Variants in DAPK2 observed in about 807,000 individuals in gnomAD.
The protein encoded by DAPK2 is death-associated protein kinase 2.
A neutral mutation model predicts 44.1 loss-of-function variants in DAPK2; 35 were observed. That is an observed-to-expected ratio of 0.79 (90% confidence interval 0.61 to 1.05). The LOEUF is 1.05. Ranked by LOEUF, DAPK2 falls within the 50% of genes least tolerant of loss-of-function variation. The pLI, the probability that DAPK2 is intolerant of heterozygous loss-of-function variation, is 0.00. For synonymous variants in DAPK2, 174 were observed against 182.6 expected (o/e 0.95, Z 0.38); for missense variants, 453 against 483.2 (o/e 0.94, Z 0.59).
chr15:63,936,652 C>T (rs1047611083), intron 4 of DAPK2, among the ~76,000 whole-genome samples: 2 of 151,364 alleles, frequency 1.3e-5, no homozygotes, highest in Admixed American at 6.6e-5. Context: ...CCTGTGAGAC[C>T]AGAATTTCAT....
At chr15:63,983,380 G>A (rs1595850962) in intron 2 of DAPK2, among the ~76,000 whole-genome samples, 153 bp downstream of exon 3, 1 of 152,318 alleles carries the variant, frequency 6.6e-6, no homozygotes, top group East Asian at 1.9e-4. Context: ...GGGTAACTGA[G>A]ACAGAGGGGA....
At chr15:63,992,300 A>T (rs185777058) in intron 1 of DAPK2, among the ~76,000 whole-genome samples, 2 of 152,140 alleles carry the variant, frequency 1.3e-5, no homozygotes, top group Admixed American at 1.3e-4. Context: ...GACACTAAAC[A>T]TGATGTAGGT....
intron 1 of DAPK2, among the ~76,000 whole-genome samples, chr15:63,996,135 G>C (rs1445266300): frequency 6.6e-6 from 1 of 152,142 alleles, no homozygotes; most frequent in African/African-American, 2.4e-5. Flanking sequence ...TGGGGAGCTG[G>C]TTAAAAATTC....
chr15:63,982,433 C>T (rs1024863129), intron 2 of DAPK2, among the ~76,000 whole-genome samples: 2 of 152,058 alleles, frequency 1.3e-5, no homozygotes, highest in Non-Finnish European at 2.9e-5. Flanking sequence ...TGTGATCTGC[C>T]CGCCTTGGCC....
chr15:63,988,468 T>C (rs1444901729), intron 1 of DAPK2, among the ~76,000 whole-genome samples: 2 of 151,776 alleles, frequency 1.3e-5, no homozygotes, highest in Non-Finnish European at 2.9e-5. Flanking sequence ...CAATTTTGTA[T>C]AGCAATGTGA....
rs1172810617 is a variant in DAPK2 at position 63,923,274 on chromosome 15, T to C, written c.858+1542A>G. On this transcript the variant is annotated intron_variant, in intron 8 of 10. Transcript: ENST00000261891. This position sits in a 1 kb window ranked among gnomAD's most constrained non-coding sequence, Gnocchi z 4.2. Reference sequence around the variant, plus strand: ...GAGTGGCATTTGAGAGTGTACTCTCTCAGGTGCTTGGTCTTCAGCTGGGTG... The same window carrying C: ...GAGTGGCATTTGAGAGTGTACTCTCCCAGGTGCTTGGTCTTCAGCTGGGTG... 1.6e-5 allele frequency: 25 copies of C among 1,535,804 alleles called. No homozygotes were observed. The highest frequency in any genetic ancestry group is 1.8e-5 in the Non-Finnish European group (21 of 1,146,736).
chr15:63,930,091 T>C (rs1448885593), intron 5 of DAPK2, among the ~76,000 whole-genome samples: 2 of 152,202 alleles, frequency 1.3e-5, no homozygotes, highest in African/African-American at 2.4e-5. Flanking sequence ...AGCGAGCTAC[T>C]GTTACTATTA....
rs1467109240 is a variant in DAPK2 at position 63,966,288 on chromosome 15, G to C, written c.453+5135C>G. Among the ~76,000 whole-genome samples, 1 of 152,240 alleles carries C rather than the reference G, an allele frequency of 6.6e-6. No homozygotes were observed. Among genetic ancestry groups the C allele is most frequent in the Non-Finnish European group, 1.5e-5 (1 of 68,032 alleles). On this transcript the variant is annotated intron_variant, in intron 3 of 10. Transcript: ENST00000261891. The surrounding 1 kb of genome is among the most constrained non-coding windows in gnomAD (Gnocchi z 5.5). ...CCTTGTGCCCTTTCTTACTGTGGCTGAGCTGGTATCCAAATTGCAAGATGA... is the reference window on the plus strand; with the variant it reads ...CCTTGTGCCCTTTCTTACTGTGGCTCAGCTGGTATCCAAATTGCAAGATGA...
intron 3 of DAPK2, among the ~76,000 whole-genome samples, chr15:63,967,810 A>C (rs936413483): frequency 3.3e-5 from 5 of 152,258 alleles, no homozygotes; most frequent in Admixed American, 6.5e-5. Context: ...AAGCTGATTA[A>C]ATACCAGCCT....
chr15:63,963,573 C>CTTTTCCTTCTT (rs2077972338), intron 3 of DAPK2, among the ~76,000 whole-genome samples: 1 of 152,170 alleles, frequency 6.6e-6, no homozygotes, highest in Non-Finnish European at 1.5e-5. Flanking sequence ...TAAGGACTTA[C>CTTTTCCTTCTT]TCCTGCCACT....
Position 63,923,138 on chromosome 15 carries a change from G to A in DAPK2, c.858+1678C>T. On this transcript the variant is annotated intron_variant, in intron 8 of 10. Coordinates refer to ENST00000261891, the Ensembl canonical transcript of DAPK2. The surrounding 1 kb of genome is among the most constrained non-coding windows in gnomAD (Gnocchi z 4.2). The stretch of plus-strand genomic sequence containing the variant: ...CAGGGCCTCCACATCGTCCTGGATG[G>A]TATCGTGGGCCTCCACCAGGGCACG... 1 of 1,535,814 alleles carries A rather than the reference G, an allele frequency of 6.5e-7. No individual in the cohort carries two copies. The highest frequency in any genetic ancestry group is 8.7e-7 in the Non-Finnish European group (1 of 1,146,718).
At chr15:63,997,027 C>A (rs1467236517) in intron 1 of DAPK2, among the ~76,000 whole-genome samples, 1 of 152,184 alleles carries the variant, frequency 6.6e-6, no homozygotes, top group Non-Finnish European at 1.5e-5. Context: ...CTCTTAGAAG[C>A]ACATCTTCCT....
intron 3 of DAPK2, among the ~76,000 whole-genome samples, chr15:63,964,207 T>C (rs533701678): frequency 2.7e-4 from 41 of 152,328 alleles, no homozygotes; most frequent in Non-Finnish European, 5.6e-4. Flanking sequence ...TTGAAGGATA[T>C]TTTTGCTGGA....
At chr15:63,955,584 T>C (rs562390962) in intron 3 of DAPK2, among the ~76,000 whole-genome samples, 1 of 152,320 alleles carries the variant, frequency 6.6e-6, no homozygotes, top group South Asian at 2.1e-4. Context: ...GTCGTCATTG[T>C]TTGAGACAGG....
chr15:63,922,558 GT>G, intron 8 of DAPK2: 1 of 1,402,158 alleles, frequency 7.1e-7, no homozygotes, highest in Non-Finnish European at 9.2e-7. Flanking sequence ...GTGAGGGGAG[GT>G]GCAGAATGAA....
In DAPK2 at chr15:64,020,658, T is replaced by C. The variant is rs545892267; in HGVS notation, c.92+19512A>G. Among the ~76,000 whole-genome samples, 4 of 152,210 alleles carry C rather than the reference T, an allele frequency of 2.6e-5. No homozygotes were observed. Among genetic ancestry groups the C allele is most frequent in the African/African-American group, 7.2e-5 (3 of 41,522 alleles). On this transcript the variant is annotated intron_variant, in intron 1 of 10. Coordinates refer to ENST00000261891, the Ensembl canonical transcript of DAPK2. The surrounding 1 kb of genome is among the most constrained non-coding windows in gnomAD (Gnocchi z 4.5). ...AAAGAAATCTAGGCTTAAAGAAAAA[T>C]ATTTATAGAAAGGAAATGTAGGAGA... is the stretch of plus-strand genomic sequence containing the variant.
chr15:63,960,312 C>A (rs1240508340), intron 3 of DAPK2, among the ~76,000 whole-genome samples: 2 of 152,140 alleles, frequency 1.3e-5, no homozygotes. Context: ...CTCCTGGATT[C>A]ATTGATTTTT....
intron 1 of DAPK2, among the ~76,000 whole-genome samples, chr15:64,016,822 GGGAAGGAAGGAAGGAGGGAA>G (rs1374590597): frequency 2.6e-5 from 3 of 113,564 alleles, no homozygotes; most frequent in East Asian, 2.1e-4. Flanking sequence ...GAAGGGGAAG[GGGAAGGAAGGAAGGAGGGAA>G]GGAAGGAAGG....
upstream of DAPK2, among the ~76,000 whole-genome samples, chr15:64,041,011 T>C (rs1295477623): frequency 3.3e-5 from 5 of 151,956 alleles, no homozygotes; most frequent in Non-Finnish European, 7.4e-5. Context: ...CTTCTTCATC[T>C]GTAAAATGGG....
Sources: gnomAD v4.1 joint callset for allele counts (sites outside exome capture counted in the v4.1 genomes callset) on GRCh38, gnomAD v4.1.1 for gene constraint, Gnocchi (gnomAD v3.1) non-coding constraint, MANE v1.5 for transcripts, NCBI Gene and HGNC (gene_info 2026-07-23, HGNC 2026-07-21) for gene names.